The following GDPD1 variants were observed in gnomAD, a reference collection of about 807,000 sequenced individuals.
GDPD1 encodes lysophospholipase D GDPD1.
In GDPD1, 28 loss-of-function variants were observed where a neutral mutation model predicts 45.1. That is an observed-to-expected ratio of 0.62 (90% CI 0.46 to 0.85). The LOEUF is 0.85. GDPD1 is among the 40% of genes least tolerant of loss of function. GDPD1 has a pLI of 0.00. For missense variants in GDPD1, 256 were observed against 364.8 expected (o/e 0.70, Z 2.43); for synonymous variants, 139 against 131.4 (o/e 1.06, Z -0.40).
intron 4 of GDPD1, among the ~76,000 whole-genome samples, chr17:59,253,866 T>C (rs1487313982): frequency 2.6e-5 from 4 of 151,964 alleles, no homozygotes; most frequent in Non-Finnish European, 5.9e-5. Flanking sequence ...GTGGGTACTG[T>C]GGTGACAGCT....
At chr17:59,252,938 G>A (rs1286531136) in intron 4 of GDPD1, among the ~76,000 whole-genome samples, 4 of 151,982 alleles carry the variant, frequency 2.6e-5, no homozygotes, top group African/African-American at 9.7e-5. Context: ...AGATTGCAGT[G>A]AGCCGAGATC....
At chr17:59,268,171 A>G (rs1016266749) in intron 7 of GDPD1, among the ~76,000 whole-genome samples, 2 of 152,236 alleles carry the variant, frequency 1.3e-5, no homozygotes, top group Non-Finnish European at 2.9e-5. Flanking sequence ...CTTCATCTCA[A>G]AATTCTACAC....
chr17:59,273,681 G>T lies in GDPD1; in HGVS notation c.853G>T (p.Glu285Ter). 2 of 1,560,688 alleles carry T rather than the reference G, an allele frequency of 1.3e-6. No homozygotes were observed. Among genetic ancestry groups the T allele is most frequent in the South Asian group, 1.1e-5 (1 of 87,532 alleles). ...TATTTGGGTATTAAATGAAGAACAA[G>T]AATACAAAAGAGCTTTTGATTTGGG... The part of the protein sequence containing the change: ...VYIWVLNEEQ[E>*]YKRAFDLGAT... The change falls in exon 10 of 10, where the codon GAA (glutamate) becomes TAA (stop). Residue 285 changes from glutamate to a stop codon, truncating the protein, a stop_gained. Coordinates refer to ENST00000284116, the MANE Select transcript of GDPD1 (RefSeq NM_182569.4). LOFTEE classifies it high-confidence loss of function.
chr17:59,245,336 T>G, intron 2 of GDPD1, 78 bp from the exon 3 acceptor site: 3 of 1,133,324 alleles, frequency 2.6e-6, no homozygotes, highest in Non-Finnish European at 3.8e-6. Flanking sequence ...GATTTGTAAC[T>G]CTGAATTGTT....
rs139300896 is a variant in GDPD1 at position 59,242,389 on chromosome 17, A to G, written c.186-3025A>G. Among the ~76,000 whole-genome samples the G allele has an allele frequency of 5.2e-3, 798 of 152,244 alleles. 10 individuals are homozygous for G. Among genetic ancestry groups the G allele is most frequent in the African/African-American group, 0.018 (745 of 41,570 alleles). The stretch of plus-strand genomic sequence containing the variant: ...AGAGATATATTCTTAATGGCAGTAT[A>G]TTTGTTTTTCCATTATAAAAGTTTA... On this transcript the variant is annotated intron_variant, in intron 2 of 9. Transcript: ENST00000284116.
chr17:59,263,587 T>C (rs1404099540), intron 6 of GDPD1, among the ~76,000 whole-genome samples: 1 of 144,014 alleles, frequency 6.9e-6, no homozygotes, highest in East Asian at 2.1e-4. Context: ...CAAGCGATTC[T>C]CCTCCCTCAG....
chr17:59,220,947 G>A (rs760498719), intron 1 of GDPD1, among the ~76,000 whole-genome samples, 196 bp downstream of exon 1: 1 of 152,172 alleles, frequency 6.6e-6, no homozygotes, highest in African/African-American at 2.4e-5. Context: ...GGGATTCCCG[G>A]TCAGAGCCAC....
At chr17:59,238,416 AT>A (rs112285979) in intron 2 of GDPD1, among the ~76,000 whole-genome samples, 63,298 of 142,936 alleles carry the variant, frequency 0.44, 14,896 homozygotes, top group African/African-American at 0.64. Flanking sequence ...ATTATTTTTT[AT>A]TTTTTTTTTT....
intron 2 of GDPD1, among the ~76,000 whole-genome samples, chr17:59,235,482 G>A (rs537324315): frequency 6.6e-6 from 1 of 151,942 alleles, no homozygotes; most frequent in East Asian, 1.9e-4. Context: ...ATACTATGAT[G>A]CCTTTTGTTT....
At chr17:59,264,510 T>C (rs1269525574) in intron 6 of GDPD1, among the ~76,000 whole-genome samples, 9 of 152,076 alleles carry the variant, frequency 5.9e-5, no homozygotes, top group African/African-American at 2.2e-4. Context: ...CAGACTGGTC[T>C]CGAACTCCTG....
At chr17:59,272,896 T>G (rs74472114) in intron 9 of GDPD1, 60 bp downstream of exon 9, 4 of 1,612,850 alleles carry the variant, frequency 2.5e-6, no homozygotes, top group Non-Finnish European at 3.4e-6. Flanking sequence ...AACACAAATA[T>G]AAAGGGCAAG....
At chr17:59,270,124 T>C (rs537974128) in intron 7 of GDPD1, among the ~76,000 whole-genome samples, 1 of 152,252 alleles carries the variant, frequency 6.6e-6, no homozygotes, top group African/African-American at 2.4e-5. Flanking sequence ...ATCCCTAATA[T>C]TCCTGAAATT....
chr17:59,224,791 T>C (rs144116001), intron 1 of GDPD1, among the ~76,000 whole-genome samples: 3 of 152,110 alleles, frequency 2.0e-5, no homozygotes, highest in African/African-American at 7.2e-5. Flanking sequence ...GAATAGCCGC[T>C]GAACTTCAGC....
chr17:59,224,353 T>TGG (rs1402200599), intron 1 of GDPD1, among the ~76,000 whole-genome samples: 59 of 152,262 alleles, frequency 3.9e-4, no homozygotes, highest in Non-Finnish European at 1.3e-4. Context: ...CCGAGCAAGG[T>TGG]GGCTCATGCC....
intron 7 of GDPD1, among the ~76,000 whole-genome samples, chr17:59,270,389 G>A (rs141508567): frequency 4.0e-5 from 6 of 151,518 alleles, no homozygotes; most frequent in Admixed American, 2.0e-4. Context: ...AGACGGGGGG[G>A]GGTTTCACTA....
At chr17:59,263,763 AGC>A (rs1191612633) in intron 6 of GDPD1, among the ~76,000 whole-genome samples, 3 of 151,606 alleles carry the variant, frequency 2.0e-5, no homozygotes, top group African/African-American at 4.8e-5. Context: ...TACAGGTGTG[AGC>A]CACCACGCCC....
chr17:59,270,923 T>C lies in GDPD1; in HGVS notation c.711-13T>C. The C allele has an allele frequency of 6.4e-7, 1 of 1,561,024 alleles. No individual in the cohort carries two copies. Among genetic ancestry groups the C allele is most frequent in the Non-Finnish European group, 8.7e-7 (1 of 1,144,414 alleles). On this transcript the variant is annotated splice_polypyrimidine_tract_variant and intron_variant, in intron 7 of 9. Coordinates refer to ENST00000284116, the MANE Select transcript of GDPD1 (RefSeq NM_182569.4). ...TGTTTCTAATTTGTAATTCAAACTT[T>C]ATTTTACCCTAGGCTAAAAGAACCA... is the stretch of plus-strand genomic sequence containing the variant.
chr17:59,228,681 G>C (rs1021843839), intron 1 of GDPD1, among the ~76,000 whole-genome samples: 13 of 151,666 alleles, frequency 8.6e-5, no homozygotes, highest in Non-Finnish European at 1.9e-4. Flanking sequence ...CTAGGAGTTT[G>C]AGACCAGCCT....
chr17:59,262,670 C>T (rs2047366656), intron 6 of GDPD1, among the ~76,000 whole-genome samples: 1 of 151,114 alleles, frequency 6.6e-6, no homozygotes. Flanking sequence ...CTCTGTCACC[C>T]AGGCTGGAGT....
Sources: allele counts gnomAD v4.1 joint callset (sites outside exome capture counted in the v4.1 genomes callset), GRCh38; gene constraint gnomAD v4.1.1; transcripts MANE v1.5; gene names NCBI Gene and HGNC (gene_info 2026-07-23, HGNC 2026-07-21).